Variants in LRRC4C observed in about 807,000 individuals in gnomAD.
LRRC4C encodes leucine-rich repeat-containing protein 4C.
A neutral mutation model predicts 33.6 loss-of-function variants in LRRC4C; 5 were observed. The ratio of observed to expected loss-of-function variants is 0.15; its 90% confidence interval spans 0.08 to 0.31. The LOEUF is 0.31. Among genes scored for constraint, LRRC4C ranks in the 10% least tolerant of loss-of-function variants. LRRC4C has a pLI of 1.00. For synonymous variants in LRRC4C, 329 were observed against 302.0 expected (o/e 1.09, Z -0.93); for missense variants, 560 against 796.7 (o/e 0.70, Z 3.58).
chr11:41,411,105 A>T (rs1221058941), intron 1 of LRRC4C, among the ~76,000 whole-genome samples: 1 of 143,496 alleles, frequency 7.0e-6, no homozygotes, highest in Non-Finnish European at 1.5e-5. Context: ...AGGTTTATGC[A>T]CTTGCTTTTA....
At chr11:41,054,899 T>C (rs1259731276) in intron 1 of LRRC4C, among the ~76,000 whole-genome samples, 3 of 152,194 alleles carry the variant, frequency 2.0e-5, no homozygotes, top group Non-Finnish European at 4.4e-5. Context: ...ATGCTCTTTA[T>C]TTTTCAGTTT....
At chr11:41,040,872 T>C (rs1171865807) in intron 1 of LRRC4C, among the ~76,000 whole-genome samples, 1 of 152,208 alleles carries the variant, frequency 6.6e-6, no homozygotes, top group East Asian at 1.9e-4. Flanking sequence ...CATGAGTGTC[T>C]TCCTAGTTTA....
intron 1 of LRRC4C, among the ~76,000 whole-genome samples, chr11:41,243,324 G>A (rs753547344): frequency 6.6e-6 from 1 of 152,136 alleles, no homozygotes; most frequent in Non-Finnish European, 1.5e-5. Context: ...AAAAGATAAA[G>A]CATTGGAATA....
intron 3 of LRRC4C, among the ~76,000 whole-genome samples, chr11:40,521,568 A>T (rs914021116): frequency 1.3e-5 from 2 of 152,150 alleles, no homozygotes; most frequent in Admixed American, 6.6e-5. Flanking sequence ...GCCTCAGAAA[A>T]TGTACAGTAT....
intron 1 of LRRC4C, among the ~76,000 whole-genome samples, chr11:40,990,234 TATATATATATA>T (rs1565277603): frequency 1.2e-3 from 34 of 28,074 alleles, no homozygotes; most frequent in African/African-American, 5.6e-3. Flanking sequence ...TCAAGTTTTA[TATATATATATA>T]TATATATATA....
intron 1 of LRRC4C, among the ~76,000 whole-genome samples, chr11:41,111,178 G>A (rs1019321225): frequency 6.6e-6 from 1 of 152,108 alleles, no homozygotes; most frequent in Non-Finnish European, 1.5e-5. Flanking sequence ...CTTATCCAAA[G>A]TTGCACAATG....
rs1457809049 is a variant in LRRC4C at position 40,261,016 on chromosome 11, G to A, written c.-175-19418C>T. Among the ~76,000 whole-genome samples the A allele has an allele frequency of 4.6e-5, 7 of 152,200 alleles. No homozygotes were observed. The East Asian group carries it at 1.4e-3, about 29-fold the overall frequency. On this transcript the variant is annotated intron_variant, in intron 4 of 6. Transcript: ENST00000528697. The stretch of plus-strand genomic sequence containing the variant: ...CTGTCTCAGCTTCCCAAGTAGCTAG[G>A]ACTACTGGCAAGCACCACCATATTC...
In LRRC4C at chr11:41,090,972, G is replaced by A. The variant is rs1008023238; in HGVS notation, c.-495-157249C>T. 3.3e-5 allele frequency among the ~76,000 whole-genome samples: 5 copies of A among 152,164 alleles called. No individual in the cohort carries two copies. The East Asian group carries it at 9.7e-4, about 29-fold the overall frequency. On this transcript the variant is annotated intron_variant, in intron 1 of 6. Coordinates refer to ENST00000528697, the MANE Select transcript of LRRC4C (RefSeq NM_001258419.2). Reference sequence around the variant, plus strand: ...AGTTCTTTATAGCATTGTGAAAACAGACTAATCTGCATATTAATCATTAAC... The same window carrying A: ...AGTTCTTTATAGCATTGTGAAAACAAACTAATCTGCATATTAATCATTAAC...
intron 3 of LRRC4C, among the ~76,000 whole-genome samples, chr11:40,471,260 C>A (rs1952920628): frequency 6.6e-6 from 1 of 152,066 alleles, no homozygotes; most frequent in South Asian, 2.1e-4. Flanking sequence ...AATTTTCAAC[C>A]CAGAATTTCA....
chr11:40,593,269 C>T (rs1051332333), intron 3 of LRRC4C, among the ~76,000 whole-genome samples: 7 of 152,182 alleles, frequency 4.6e-5, no homozygotes, highest in Admixed American at 2.0e-4. Context: ...TTGACTTAAA[C>T]AACTTTAGAG....
At chr11:40,449,194 G>T (rs985013469) in intron 3 of LRRC4C, among the ~76,000 whole-genome samples, 1 of 152,054 alleles carries the variant, frequency 6.6e-6, no homozygotes, top group Non-Finnish European at 1.5e-5. Flanking sequence ...TCTGTAGGTT[G>T]TTCACTCTGA....
In LRRC4C at chr11:41,145,143, T is replaced by A. The variant is rs538731820; in HGVS notation, c.-495-211420A>T. Among the ~76,000 whole-genome samples, 8 of 152,306 alleles carry A rather than the reference T, an allele frequency of 5.3e-5. No homozygotes were observed. The East Asian group carries it at 1.5e-3, about 29-fold the overall frequency. ...CTCAATACATGTTAACATTTAAAGT[T>A]CTATTATAGCTTTTTCTATTATAGC... is the stretch of plus-strand genomic sequence containing the variant. On this transcript the variant is annotated intron_variant, in intron 1 of 6. Transcript: ENST00000528697.
At chr11:41,269,220 C>T (rs1450231953) in intron 1 of LRRC4C, among the ~76,000 whole-genome samples, 1 of 152,008 alleles carries the variant, frequency 6.6e-6, no homozygotes, top group Non-Finnish European at 1.5e-5. Context: ...GTGTAAGATC[C>T]AAAGTGCTCA....
At chr11:40,748,031 A>G (rs1386026930) in intron 2 of LRRC4C, among the ~76,000 whole-genome samples, 1 of 152,170 alleles carries the variant, frequency 6.6e-6, no homozygotes, top group Non-Finnish European at 1.5e-5. Flanking sequence ...TAGCAAGAGC[A>G]TTAGACACTC....
At chr11:40,399,398 C>T (rs570251709) in intron 3 of LRRC4C, among the ~76,000 whole-genome samples, 33 of 151,884 alleles carry the variant, frequency 2.2e-4, no homozygotes, top group East Asian at 3.9e-4. Context: ...ATGGATGAAA[C>T]TGGAAATCAT....
rs560706109 is a variant in LRRC4C at position 40,582,685 on chromosome 11, T to G, written c.-270+65457A>C. ...GTACACGCCACCATGCCTGACTAAT[T>G]TTTGTATTTTTAGTAGAGAGAGGGT... is the stretch of plus-strand genomic sequence containing the variant. On this transcript the variant is annotated intron_variant, in intron 3 of 6. Coordinates refer to ENST00000528697, the MANE Select transcript of LRRC4C (RefSeq NM_001258419.2). Among the ~76,000 whole-genome samples, 20 of 152,054 alleles carry G rather than the reference T, an allele frequency of 1.3e-4. No homozygotes were observed. In the East Asian group the frequency reaches 3.5e-3, roughly 27 times the overall value.
At chr11:40,735,108 C>A (rs972234314) in intron 2 of LRRC4C, among the ~76,000 whole-genome samples, 1 of 152,050 alleles carries the variant, frequency 6.6e-6, no homozygotes, top group African/African-American at 2.4e-5. Flanking sequence ...AGGCATTTGG[C>A]CTTGTACCTA....
intron 4 of LRRC4C, among the ~76,000 whole-genome samples, chr11:40,244,847 G>A (rs528860875): frequency 3.3e-5 from 5 of 151,974 alleles, no homozygotes; most frequent in Non-Finnish European, 7.4e-5. Context: ...GATAAAATTT[G>A]ACTTTAAAGT....
At chr11:40,673,530 A>G (rs1433426764) in intron 2 of LRRC4C, among the ~76,000 whole-genome samples, 1 of 152,206 alleles carries the variant, frequency 6.6e-6, no homozygotes, top group Non-Finnish European at 1.5e-5. Context: ...GAATTGTAGA[A>G]AAGTAGCATA....
Sources: gnomAD v4.1 joint callset for allele counts (sites outside exome capture counted in the v4.1 genomes callset) on GRCh38, gnomAD v4.1.1 for gene constraint, MANE v1.5 for transcripts, NCBI Gene and HGNC (gene_info 2026-07-23, HGNC 2026-07-21) for gene names.